The following MINDY4 variants were observed in gnomAD, a reference collection of about 807,000 sequenced individuals.
MINDY4 encodes the protein probable ubiquitin carboxyl-terminal hydrolase MINDY-4.
MINDY4 carries 68 observed loss-of-function variants against 87.0 expected under a neutral mutation model. The observed-to-expected ratio is 0.78, with a 90% confidence interval of 0.64 to 0.96. The LOEUF (loss-of-function observed/expected upper bound fraction) is 0.96, where lower values mean the gene tolerates loss of function less well. Ranked by LOEUF, MINDY4 falls within the 40% of genes least tolerant of loss-of-function variation. The pLI is 0.00. For missense variants in MINDY4, 919 were observed against 928.2 expected, an observed-to-expected ratio of 0.99 and a Z score of 0.13; for synonymous variants, 379 against 363.2, an observed-to-expected ratio of 1.04 and a Z score of -0.50.
chr7:30,874,455 G>A (rs1562563072), intron 14 of MINDY4, among the ~76,000 whole-genome samples: 1 of 152,212 alleles, frequency 6.6e-6, no homozygotes, highest in Admixed American at 6.5e-5. Flanking sequence ...AGAGGAGGTT[G>A]GATCCTTGGT....
intron 5 of MINDY4, among the ~76,000 whole-genome samples, chr7:30,814,887 A>G (rs1562539975): frequency 6.6e-6 from 1 of 152,254 alleles, no homozygotes; most frequent in South Asian, 2.1e-4. Flanking sequence ...TGTGGCTCAC[A>G]GCTCTTATAT....
intron 5 of MINDY4, among the ~76,000 whole-genome samples, chr7:30,825,693 A>G (rs2128561938): frequency 6.6e-6 from 1 of 152,350 alleles, no homozygotes; most frequent in East Asian, 1.9e-4. Flanking sequence ...TCTGGCATTG[A>G]GCACCCATTT....
In MINDY4 at chr7:30,782,079, C is replaced by A; in HGVS notation, c.286C>A (p.Pro96Thr). 6.2e-7 allele frequency: 1 copy of A among 1,614,044 alleles called. No homozygotes were observed. Among genetic ancestry groups the A allele is most frequent in the East Asian group, 2.2e-5 (1 of 44,866 alleles). Residue 96 changes from proline to threonine, a missense_variant, in exon 3 of 18, where the codon CCT becomes ACT. By Grantham distance (38) the Pro-to-Thr change is conservative (BLOSUM62 -1). Coordinates refer to ENST00000265299, the MANE Select transcript of MINDY4 (RefSeq NM_032222.3). ...ANNFTQDTPI[P>T]ALSVPKKNNK... Reference sequence around the variant, plus strand: ...CAATTTCACTCAAGATACCCCAATCCCTGCACTCTCAGTTCCAAAGAAAAA... The same window carrying A: ...CAATTTCACTCAAGATACCCCAATCACTGCACTCTCAGTTCCAAAGAAAAA...
At chr7:30,885,754 G>T in intron 17 of MINDY4, among the ~76,000 whole-genome samples, 1 of 150,276 alleles carries the variant, frequency 6.7e-6, no homozygotes. Context: ...ATCAAGTGAG[G>T]CATTGATTCT....
chr7:30,892,194 T>C lies in MINDY4; in HGVS notation c.*189T>C, dbSNP rs1790811137. ...CCAAGACTGTGCTGGGGACCCAGTG[T>C]GTTGCTGGGTCCCCTCCCAGCTGAG... On this transcript the variant is annotated 3_prime_UTR_variant, in exon 18 of 18. Transcript: ENST00000265299. 1.7e-6 allele frequency: 1 copy of C among 605,760 alleles called. No homozygotes were observed. The highest frequency in any genetic ancestry group is 3.0e-5 in the Admixed American group (1 of 33,760). 37.5% of individuals were successfully genotyped at this position (605,760 alleles called of 1,614,324 possible).
intron 17 of MINDY4, among the ~76,000 whole-genome samples, chr7:30,889,317 A>G (rs927136386): frequency 4.6e-5 from 7 of 152,218 alleles, no homozygotes; most frequent in African/African-American, 1.2e-4. Flanking sequence ...AGCAGATGTA[A>G]TAGATGAACT....
Position 30,778,548 on chromosome 7 carries a change from C to A in MINDY4, c.180C>A (p.Asn60Lys), listed in dbSNP as rs767396581. Residue 60 changes from asparagine (N) to lysine (K), a missense_variant, in exon 2 of 18, where the codon AAC (asparagine) becomes AAA (lysine). By Grantham distance (94) the Asn-to-Lys change is moderately conservative. Coordinates refer to ENST00000265299, the MANE Select transcript of MINDY4 (RefSeq NM_032222.3). ...ATCTTGAATTTCTCTATAAGGAGAA[C>A]AAGGTATGTGCTTTCTAAGGTGTGG... ...VLHLEFLYKE[N>K]KAKENPLKTS... 1 of 1,614,048 alleles carries A rather than the reference C, an allele frequency of 6.2e-7. No individual in the cohort carries two copies.
chr7:30,777,947 C>A (rs980005392), intron 1 of MINDY4, among the ~76,000 whole-genome samples: 1 of 152,184 alleles, frequency 6.6e-6, no homozygotes, highest in Non-Finnish European at 1.5e-5. Context: ...CATGACTTAG[C>A]ATTTACCAAG....
At chr7:30,845,193 G>C (rs551413037) in intron 9 of MINDY4, among the ~76,000 whole-genome samples, 1 of 152,268 alleles carries the variant, frequency 6.6e-6, no homozygotes, top group South Asian at 2.1e-4. Flanking sequence ...TAGGGACCAA[G>C]GGGTGGCTCT....
rs1789378585 is a variant in MINDY4, at chr7:30,850,446, G to T, written c.1446-8G>T. On this transcript the variant is annotated splice_polypyrimidine_tract_variant and splice_region_variant and intron_variant, in intron 9 of 17. Coordinates refer to ENST00000265299, the MANE Select transcript of MINDY4 (RefSeq NM_032222.3). ...TGGGCATAAATGCCTTCCTTTTCTT[G>T]TCCGCAGGGGACTGCAGCCTTCAGA... is the stretch of plus-strand genomic sequence containing the variant. 5 of 1,608,460 alleles carry T rather than the reference G, an allele frequency of 3.1e-6. No homozygotes were observed. The South Asian group carries it at 4.5e-5, about 14-fold the overall frequency.
At chr7:30,796,799 G>A (rs1787502825) in intron 5 of MINDY4, 1 of 151,624 alleles carries the variant, frequency 6.6e-6, no homozygotes, top group Admixed American at 6.6e-5. Context: ...CATCACAGAT[G>A]TCACTAACCA....
Position 30,877,445 on chromosome 7 carries a change from G to T in MINDY4, c.1971+1789G>T, listed in dbSNP as rs73301966. On this transcript the variant is annotated intron_variant, in intron 15 of 17. Transcript: ENST00000265299. ...CCCTCCTCGTGGGCTTCTTGGATCC[G>T]CATAGACCCTCTGCTGTTCTGTGCT... 4.6e-3 allele frequency among the ~76,000 whole-genome samples: 697 copies of T among 152,292 alleles called. 2 individuals are homozygous for T. Among genetic ancestry groups the T allele is most frequent in the African/African-American group, 0.016 (652 of 41,546 alleles).
chr7:30,810,343 G>GAA (rs57035996), intron 5 of MINDY4, among the ~76,000 whole-genome samples: 50 of 131,874 alleles, frequency 3.8e-4, no homozygotes, highest in East Asian at 1.1e-3. Context: ...TAAAACTATT[G>GAA]AAAAAAAAAA....
At chr7:30,827,128 G>A (rs368182062) in intron 5 of MINDY4, among the ~76,000 whole-genome samples, 1 of 152,106 alleles carries the variant, frequency 6.6e-6, no homozygotes, top group African/African-American at 2.4e-5. Flanking sequence ...GCAGAGGTGG[G>A]GGTTCAAGAG....
chr7:30,797,959 C>A (rs1264870417), intron 5 of MINDY4, among the ~76,000 whole-genome samples: 2 of 152,152 alleles, frequency 1.3e-5, no homozygotes, highest in African/African-American at 4.8e-5. Context: ...TTCAGAAGCG[C>A]ATCCACATCT....
At chr7:30,802,462 A>G (rs1787683792) in intron 5 of MINDY4, among the ~76,000 whole-genome samples, 1 of 152,060 alleles carries the variant, frequency 6.6e-6, no homozygotes. Context: ...TAGAACAATG[A>G]TTTGATAACT....
At chr7:30,871,832 C>T (rs1044550159) in intron 13 of MINDY4, among the ~76,000 whole-genome samples, 5 of 152,226 alleles carry the variant, frequency 3.3e-5, no homozygotes, top group Admixed American at 3.3e-4. Flanking sequence ...TCCCATTTTA[C>T]AGGCTGGCAG....
intron 6 of MINDY4, among the ~76,000 whole-genome samples, chr7:30,832,576 T>G (rs1428566183): frequency 6.6e-6 from 1 of 152,170 alleles, no homozygotes; most frequent in African/African-American, 2.4e-5. Flanking sequence ...AATCTCAGCT[T>G]ACTGCACCCT....
chr7:30,799,806 G>A (rs1291803106), intron 5 of MINDY4, among the ~76,000 whole-genome samples: 1 of 152,162 alleles, frequency 6.6e-6, no homozygotes, highest in East Asian at 1.9e-4. Context: ...ATTTGTTGGG[G>A]GCATGCTCTC....
Sources: gnomAD v4.1 joint callset for allele counts (sites outside exome capture counted in the v4.1 genomes callset) on GRCh38, gnomAD v4.1.1 for gene constraint, MANE v1.5 for transcripts, NCBI Gene and HGNC (gene_info 2026-07-23, HGNC 2026-07-21) for gene names.